HIVEP3: variants seen among roughly 807,000 people sequenced by gnomAD.
HIVEP3 encodes the protein HIVEP zinc finger 3.
A neutral mutation model predicts 152.8 loss-of-function variants in HIVEP3; 49 were observed. The ratio of observed to expected loss-of-function variants is 0.32; its 90% confidence interval spans 0.26 to 0.41. The LOEUF (loss-of-function observed/expected upper bound fraction) is 0.41. Ranked by LOEUF, HIVEP3 falls within the 10% of genes least tolerant of loss-of-function variation. The probability of loss-of-function intolerance (pLI) is 1.00; values close to 1 mark genes in which losing one functional copy is unlikely to be tolerated. For synonymous variants in HIVEP3, 1,269 were observed against 1,289.0 expected (o/e 0.98, Z 0.33); for missense variants, 2,790 against 3,103.3 (o/e 0.90, Z 2.40).
At chr1:41,634,683 T>G (rs1235417156) in intron 2 of HIVEP3, among the ~76,000 whole-genome samples, 1 of 151,796 alleles carries the variant, frequency 6.6e-6, no homozygotes, top group Admixed American at 6.6e-5. Flanking sequence ...GTAACGAAAA[T>G]AATGCGAGAA....
chr1:41,661,093 C>T (rs925089300), intron 2 of HIVEP3, among the ~76,000 whole-genome samples: 2 of 152,304 alleles, frequency 1.3e-5, no homozygotes, highest in South Asian at 2.1e-4. Flanking sequence ...TTTTTACTTA[C>T]GTGATCTCAA....
intron 1 of HIVEP3, among the ~76,000 whole-genome samples, chr1:41,881,541 T>C (rs966822913): frequency 2.0e-5 from 3 of 152,226 alleles, no homozygotes; most frequent in Non-Finnish European, 2.9e-5. Context: ...AAATACTCAA[T>C]TGAAAAAAAT....
At chr1:41,994,321 C>G (rs2124519470) in intron 1 of HIVEP3, among the ~76,000 whole-genome samples, 1 of 150,632 alleles carries the variant, frequency 6.6e-6, no homozygotes, top group South Asian at 2.1e-4. Flanking sequence ...TAAGCAGAAG[C>G]AACATCAGCA....
At chr1:41,574,706 C>T (rs1253982623) in intron 5 of HIVEP3, among the ~76,000 whole-genome samples, 1 of 152,188 alleles carries the variant, frequency 6.6e-6, no homozygotes, top group African/African-American at 2.4e-5. Context: ...TTTTCCTCTA[C>T]GTTGTTGTCC....
chr1:41,642,250 C>T (rs1450354250), intron 2 of HIVEP3, among the ~76,000 whole-genome samples: 1 of 152,248 alleles, frequency 6.6e-6, no homozygotes, highest in Non-Finnish European at 1.5e-5. Flanking sequence ...ATCCCAAATC[C>T]TTCAGTGGTT....
intron 1 of HIVEP3, among the ~76,000 whole-genome samples, chr1:41,968,011 C>T (rs1645208703): frequency 6.6e-6 from 1 of 152,062 alleles, no homozygotes; most frequent in South Asian, 2.1e-4. Flanking sequence ...GAAGCTGAAT[C>T]CTTGAATAGA....
chr1:41,644,696 T>TC, intron 2 of HIVEP3, among the ~76,000 whole-genome samples: 1 of 142,938 alleles, frequency 7.0e-6, no homozygotes, highest in East Asian at 2.0e-4. Context: ...ATCTGTTCTT[T>TC]TTTTTTTTTT....
chr1:41,898,983 C>T (rs1272712287), intron 1 of HIVEP3, among the ~76,000 whole-genome samples: 2 of 152,280 alleles, frequency 1.3e-5, no homozygotes, highest in Non-Finnish European at 2.9e-5. Flanking sequence ...GGGCTGGCAT[C>T]TTTGCCACTG....
At chr1:41,710,550 T>G (rs1361601299) in intron 1 of HIVEP3, among the ~76,000 whole-genome samples, 2 of 152,136 alleles carry the variant, frequency 1.3e-5, no homozygotes, top group Non-Finnish European at 2.9e-5. Context: ...CAATGGCTGG[T>G]CCCCTGCGCC....
intron 1 of HIVEP3, among the ~76,000 whole-genome samples, chr1:41,907,480 T>C (rs985416329): frequency 1.3e-5 from 2 of 152,100 alleles, no homozygotes; most frequent in African/African-American, 2.4e-5. Flanking sequence ...TGCAACCATA[T>C]GAAGGTTCAC....
chr1:41,914,140 A>G (rs1033192554), intron 1 of HIVEP3, among the ~76,000 whole-genome samples: 1 of 152,184 alleles, frequency 6.6e-6, no homozygotes, highest in Non-Finnish European at 1.5e-5. Context: ...TCATGTACTC[A>G]CCACTTCCAT....
In HIVEP3 at chr1:41,573,819, C is replaced by T. The variant is rs11808529; in HGVS notation, c.5207+1725G>A. ...GGTAAGTGGGGCAGAGATGACAGAA[C>T]TCAACCGAGAGGATTCTGAAGCAGA... On this transcript the variant is annotated intron_variant, in intron 5 of 8. Transcript: ENST00000372583. Among the ~76,000 whole-genome samples, 1,262 of 152,226 alleles carry T rather than the reference C, an allele frequency of 8.3e-3. 17 individuals are homozygous for T. The highest frequency in any genetic ancestry group is 0.028 in the African/African-American group (1,164 of 41,508).
chr1:41,949,626 TC>T (rs1290673971), intron 1 of HIVEP3, among the ~76,000 whole-genome samples: 7 of 152,208 alleles, frequency 4.6e-5, no homozygotes, highest in African/African-American at 1.7e-4. Flanking sequence ...CCCTGGGGCC[TC>T]CTCAGCCAAT....
chr1:41,579,684 C>G, intron 4 of HIVEP3, 53 bp downstream of exon 4: 1 of 1,509,698 alleles, frequency 6.6e-7, no homozygotes, highest in Admixed American at 2.2e-5. Flanking sequence ...TTTAAAAGCT[C>G]GCCAAGTGCT....
At chr1:41,618,756 A>G (rs1467210686) in intron 3 of HIVEP3, among the ~76,000 whole-genome samples, 1 of 152,240 alleles carries the variant, frequency 6.6e-6, no homozygotes, top group Non-Finnish European at 1.5e-5. Context: ...CATTTTCCAG[A>G]TGAGGAAACT....
chr1:41,905,056 G>A (rs1644688139), intron 1 of HIVEP3, among the ~76,000 whole-genome samples: 1 of 152,220 alleles, frequency 6.6e-6, no homozygotes, highest in African/African-American at 2.4e-5. Context: ...TGTGGAACAT[G>A]AAGATTTTTG....
At chr1:41,943,016 C>T (rs1645055573) in intron 1 of HIVEP3, among the ~76,000 whole-genome samples, 1 of 152,144 alleles carries the variant, frequency 6.6e-6, no homozygotes, top group South Asian at 2.1e-4. Context: ...TCTCCTGCCT[C>T]AGCCTCCCAA....
intron 1 of HIVEP3, among the ~76,000 whole-genome samples, chr1:42,013,309 T>C (rs1478233995): frequency 1.3e-5 from 2 of 152,212 alleles, no homozygotes; most frequent in Admixed American, 1.3e-4. Flanking sequence ...CTCTCCTTAA[T>C]ACAGTCACAT....
intron 3 of HIVEP3, among the ~76,000 whole-genome samples, chr1:41,602,128 T>C (rs918820343): frequency 6.6e-6 from 1 of 152,080 alleles, no homozygotes. Flanking sequence ...TTTAATGCAC[T>C]ATTTGGTTTG....
Sources: gnomAD v4.1 joint callset for allele counts (sites outside exome capture counted in the v4.1 genomes callset) on GRCh38, gnomAD v4.1.1 for gene constraint, MANE v1.5 for transcripts, NCBI Gene and HGNC (gene_info 2026-07-23, HGNC 2026-07-21) for gene names.